Variants in ABLIM1 observed in about 807,000 individuals in gnomAD.
ABLIM1 encodes the protein actin binding LIM protein 1.
A neutral mutation model predicts 107.0 loss-of-function variants in ABLIM1; 40 were observed. That is an observed-to-expected ratio of 0.37 (90% CI 0.29 to 0.49). The LOEUF (loss-of-function observed/expected upper bound fraction) is 0.49, where lower values mean the gene tolerates loss of function less well. ABLIM1 is among the 20% of genes least tolerant of loss of function. The pLI, the probability that ABLIM1 is intolerant of heterozygous loss-of-function variation, is 0.97. For missense variants in ABLIM1, 857 were observed against 1,008.5 expected (o/e 0.85, Z 2.04); for synonymous variants, 357 against 357.3 (o/e 1.00, Z 0.01).
At chr10:114,716,816 T>C (rs539656111) in intron 1 of ABLIM1, among the ~76,000 whole-genome samples, 1 of 141,556 alleles carries the variant, frequency 7.1e-6, no homozygotes, top group East Asian at 2.0e-4. Context: ...AATTTTACTA[T>C]AATTGCTTGC....
intron 1 of ABLIM1, among the ~76,000 whole-genome samples, chr10:114,738,348 C>A (rs993731306): frequency 6.6e-6 from 1 of 152,140 alleles, no homozygotes; most frequent in Non-Finnish European, 1.5e-5. Flanking sequence ...CTGTGCCCAG[C>A]AGATATGTGA....
upstream of ABLIM1, among the ~76,000 whole-genome samples, chr10:114,660,754 T>C (rs568052845): frequency 3.9e-5 from 6 of 152,298 alleles, no homozygotes; most frequent in South Asian, 1.0e-3. Context: ...TTGTGAAATA[T>C]AGATGTGTTT....
intron 4 of ABLIM1, among the ~76,000 whole-genome samples, chr10:114,557,939 T>A (rs1431633331): frequency 6.6e-6 from 1 of 151,818 alleles, no homozygotes; most frequent in East Asian, 1.9e-4. Context: ...CCTTACCCCC[T>A]CCTTAGTTCC....
At chr10:114,791,431 G>T in the ABLIM1 span, among the ~76,000 whole-genome samples, 8 of 152,270 alleles carry the variant, frequency 5.3e-5, no homozygotes, top group African/African-American at 1.9e-4. Context: ...GAGGTCAGGA[G>T]ATCGAGACCA....
intron 2 of ABLIM1, among the ~76,000 whole-genome samples, chr10:114,591,763 A>T (rs1210390425): frequency 7.9e-6 from 1 of 126,784 alleles, no homozygotes; most frequent in African/African-American, 3.1e-5. Flanking sequence ...TGAGACCAGA[A>T]GTATTTCAAA....
Position 114,753,509 on chromosome 10 carries a change from G to A in ABLIM1, c.-213+14552C>T, listed in dbSNP as rs531248490. ...GTATGCTACAGCCATATGATTGAAC[G>A]TTATGCAGTCATAAAACATGAGCAA... is the stretch of plus-strand genomic sequence containing the variant. On this transcript the variant is annotated intron_variant, in intron 1 of 15. Coordinates refer to the ABLIM1 transcript ENST00000651092. Among the ~76,000 whole-genome samples, 39 of 152,260 alleles carry A rather than the reference G, an allele frequency of 2.6e-4. 1 individual carries two copies. In the South Asian group the frequency reaches 7.7e-3, roughly 30 times the overall value.
chr10:114,712,160 C>T (rs2081563160), intron 1 of ABLIM1, among the ~76,000 whole-genome samples: 1 of 151,888 alleles, frequency 6.6e-6, no homozygotes, highest in Non-Finnish European at 1.5e-5. Flanking sequence ...CAAGACCAGT[C>T]TGGCCAACAT....
chr10:114,700,104 C>G (rs1167409518), intron 1 of ABLIM1, among the ~76,000 whole-genome samples: 1 of 152,096 alleles, frequency 6.6e-6, no homozygotes, highest in East Asian at 1.9e-4. Flanking sequence ...CAACCTGTGA[C>G]TCTACTCTTG....
intron 1 of ABLIM1, among the ~76,000 whole-genome samples, chr10:114,731,189 G>T (rs570598701): frequency 6.6e-6 from 1 of 152,100 alleles, no homozygotes; most frequent in Non-Finnish European, 1.5e-5. Flanking sequence ...CGCCCAGGCT[G>T]GAGTGCAGTG....
chr10:114,593,417 T>C (rs1421787676), intron 2 of ABLIM1, among the ~76,000 whole-genome samples: 1 of 152,158 alleles, frequency 6.6e-6, no homozygotes, highest in Non-Finnish European at 1.5e-5. Context: ...GCAGGCAGCA[T>C]GAGTTTTGTA....
intron 1 of ABLIM1, among the ~76,000 whole-genome samples, chr10:114,699,174 T>C (rs978979530): frequency 6.8e-6 from 1 of 147,150 alleles, no homozygotes; most frequent in African/African-American, 2.5e-5. Flanking sequence ...AAAACCATAA[T>C]CTAAATATGA....
At chr10:114,517,281 C>A (rs925377795) in intron 6 of ABLIM1, among the ~76,000 whole-genome samples, 1 of 152,046 alleles carries the variant, frequency 6.6e-6, no homozygotes, top group Non-Finnish European at 1.5e-5. Context: ...CAGGACAGGA[C>A]GGGACCAGAC....
chr10:114,720,242 A>G (rs2081808070), intron 1 of ABLIM1, among the ~76,000 whole-genome samples: 1 of 152,276 alleles, frequency 6.6e-6, no homozygotes, highest in South Asian at 2.1e-4. Flanking sequence ...CATAGTGTAT[A>G]TGTACCACAT....
At chr10:114,768,139 C>A, upstream of ABLIM1, 1 of 363,634 alleles carries the variant, frequency 2.8e-6, no homozygotes, top group Non-Finnish European at 5.6e-6. Context: ...GGGAAGAAGG[C>A]AGCCCCGGAG....
intron 1 of ABLIM1, among the ~76,000 whole-genome samples, chr10:114,757,271 C>T (rs116990777): frequency 2.6e-5 from 4 of 152,208 alleles, no homozygotes; most frequent in East Asian, 1.9e-4. Flanking sequence ...TCCTCTGGCA[C>T]GAACAAGACC....
Position 114,553,471 on chromosome 10 carries a change from C to G in ABLIM1, c.674-5695G>C, listed in dbSNP as rs2068333733. Among the ~76,000 whole-genome samples, 2 of 152,220 alleles carry G rather than the reference C, an allele frequency of 1.3e-5. 1 individual carries two copies. The highest frequency in any genetic ancestry group is 4.1e-4 in the South Asian group (2 of 4,832). ...GCAGGACTTATCAAAAGATGGTAGA[C>G]TCTGCCTGATGACTATCAACCCTAT... On this transcript the variant is annotated intron_variant, in intron 4 of 22. Transcript: ENST00000533213.
chr10:114,776,600 A>G, the ABLIM1 span, among the ~76,000 whole-genome samples: 6 of 152,258 alleles, frequency 3.9e-5, no homozygotes, highest in South Asian at 1.2e-3. Flanking sequence ...GCAATAGAGC[A>G]AGACTTAGTC....
chr10:114,551,463 G>A (rs191603273), intron 4 of ABLIM1, among the ~76,000 whole-genome samples: 70 of 152,208 alleles, frequency 4.6e-4, no homozygotes, highest in African/African-American at 1.7e-3. Flanking sequence ...AGGCTGAAGC[G>A]GAGTTACACT....
At chr10:114,560,382 C>T (rs1319904776) in intron 4 of ABLIM1, among the ~76,000 whole-genome samples, 1 of 152,238 alleles carries the variant, frequency 6.6e-6, no homozygotes, top group Non-Finnish European at 1.5e-5. Context: ...GCATACATGA[C>T]GGTAGTCCCA....
Sources: allele counts gnomAD v4.1 joint callset (sites outside exome capture counted in the v4.1 genomes callset), GRCh38; gene constraint gnomAD v4.1.1; transcripts MANE v1.5; gene names NCBI Gene and HGNC (gene_info 2026-07-23, HGNC 2026-07-21).